Variants in ANGPTL5 observed in about 807,000 individuals in gnomAD.
The protein encoded by ANGPTL5 is angiopoietin-related protein 5.
Under a neutral mutation model 39.4 loss-of-function variants are expected in ANGPTL5, and 34 were observed. That is an observed-to-expected ratio of 0.86 (90% CI 0.66 to 1.15). The LOEUF (loss-of-function observed/expected upper bound fraction) is 1.15, where lower values mean the gene tolerates loss of function less well. Among genes scored for constraint, ANGPTL5 ranks in the 50% most tolerant of loss-of-function variants. The probability of loss-of-function intolerance (pLI) is 0.00; values close to 1 mark genes in which losing one functional copy is unlikely to be tolerated. For missense variants in ANGPTL5, 467 were observed against 457.5 expected, an observed-to-expected ratio of 1.02 and a Z score of -0.19; for synonymous variants, 146 against 152.1, an observed-to-expected ratio of 0.96 and a Z score of 0.29.
chr11:101,894,479 G>A (rs191155873), intron 8 of ANGPTL5, among the ~76,000 whole-genome samples: 17 of 152,300 alleles, frequency 1.1e-4, no homozygotes, highest in Non-Finnish European at 2.2e-4. Context: ...ATCTGGGAAC[G>A]TTGGGCAAGT....
chr11:101,901,945 A>ATG (rs1335503266), intron 6 of ANGPTL5, among the ~76,000 whole-genome samples: 1 of 151,786 alleles, frequency 6.6e-6, no homozygotes, highest in East Asian at 1.9e-4. Context: ...ATATAACTGT[A>ATG]TGTGTGTGTG....
chr11:101,899,054 T>G (rs1939847701), intron 7 of ANGPTL5, among the ~76,000 whole-genome samples: 1 of 152,248 alleles, frequency 6.6e-6, no homozygotes, highest in East Asian at 1.9e-4. Flanking sequence ...TCCAGTATTT[T>G]ATTGAGGATT....
chr11:101,905,970 C>G, intron 3 of ANGPTL5, 123 bp from the exon 4 acceptor site: 1 of 649,296 alleles, frequency 1.5e-6, no homozygotes, highest in South Asian at 1.8e-5. Flanking sequence ...CTCAATTTAT[C>G]TTAATACTCA....
chr11:101,908,490 A>G (rs2137064161), intron 1 of ANGPTL5, among the ~76,000 whole-genome samples: 1 of 152,282 alleles, frequency 6.6e-6, no homozygotes, highest in African/African-American at 2.4e-5. Context: ...AAAATGCCAA[A>G]TCTCAACGCT....
intron 8 of ANGPTL5, among the ~76,000 whole-genome samples, chr11:101,892,166 C>T (rs1476349381): frequency 6.6e-6 from 1 of 152,036 alleles, no homozygotes; most frequent in Non-Finnish European, 1.5e-5. Flanking sequence ...GATTTATGGA[C>T]CAATTGGATA....
chr11:101,905,956 C>G (rs1939991638), intron 3 of ANGPTL5, 109 bp from the exon 4 acceptor site: 2 of 677,812 alleles, frequency 3.0e-6, no homozygotes, highest in South Asian at 1.7e-5. Flanking sequence ...TAACTCAATA[C>G]TATCTCAATT....
At chr11:101,905,703 C>T (rs762231248) in intron 4 of ANGPTL5, 41 bp downstream of exon 4, 59 of 1,331,694 alleles carry the variant, frequency 4.4e-5, no homozygotes, top group East Asian at 6.9e-5. Context: ...TATACATCAA[C>T]GTGTACATGC....
Position 101,902,660 on chromosome 11 carries a change from T to C in ANGPTL5, c.501A>G (p.Leu167=), listed in dbSNP as rs796492796. Residue 167 remains leucine, a synonymous_variant, in exon 6 of 9, where the codon TTA becomes TTG. Coordinates refer to ENST00000334289, the MANE Select transcript of ANGPTL5 (RefSeq NM_178127.5). ...TAGATCCTTCTGGGTGAATTATGTA[T>C]AAACCACTCGGTGTTTTGGTGACAG... The part of the protein sequence containing the change: ...IGSVTKTPSG[L]YIIHPEGSSY... 6.2e-7 allele frequency: 1 copy of C among 1,612,106 alleles called. No homozygotes were observed. Among genetic ancestry groups the C allele is most frequent in the African/African-American group, 1.3e-5 (1 of 75,020 alleles).
chr11:101,898,339 G>A (rs1214116964), intron 7 of ANGPTL5, among the ~76,000 whole-genome samples: 1 of 152,108 alleles, frequency 6.6e-6, no homozygotes, highest in Non-Finnish European at 1.5e-5. Flanking sequence ...CTTGAGCAGT[G>A]GTTTGTAGTT....
chr11:101,893,098 C>G (rs1433331035), intron 8 of ANGPTL5, among the ~76,000 whole-genome samples: 1 of 152,202 alleles, frequency 6.6e-6, no homozygotes, highest in Non-Finnish European at 1.5e-5. Flanking sequence ...CCAGAAGGAT[C>G]ATATAGCACA....
At chr11:101,893,570 A>G (rs937421961) in intron 8 of ANGPTL5, among the ~76,000 whole-genome samples, 4 of 152,230 alleles carry the variant, frequency 2.6e-5, no homozygotes, top group African/African-American at 9.6e-5. Flanking sequence ...TTTGTAACGA[A>G]AAAACTTTTG....
rs567590832 is a variant in ANGPTL5 at position 101,891,201 on chromosome 11, C to A, written c.*78G>T. ...TAAATTTTGCCTAATATGTTTGAAA[C>A]ACTAAGTGAAAAGATAAACTTTTAA... On this transcript the variant is annotated 3_prime_UTR_variant, in exon 9 of 9. Transcript: ENST00000334289. 93 of 1,360,776 alleles carry A rather than the reference C, an allele frequency of 6.8e-5. 1 individual carries two copies. The South Asian group carries it at 1.3e-3, about 18-fold the overall frequency. The allele number at this position is 1,360,776 out of a possible 1,614,324, so 84.3% of individuals were successfully genotyped here.
chr11:101,914,274 G>A lies in ANGPTL5; in HGVS notation c.-93+1745C>T, dbSNP rs569690248. On this transcript the variant is annotated intron_variant, in intron 1 of 8. Transcript: ENST00000334289. Reference sequence around the variant, plus strand: ...GAATTTATATATGCATTTACATTAGGCTCCAACAATAAGATTCAGCCTTTT... The same window carrying A: ...GAATTTATATATGCATTTACATTAGACTCCAACAATAAGATTCAGCCTTTT... Among the ~76,000 whole-genome samples, 4 of 152,234 alleles carry A rather than the reference G, an allele frequency of 2.6e-5. No homozygotes were observed. In the East Asian group the frequency reaches 7.7e-4, roughly 29 times the overall value.
At chr11:101,913,593 G>A (rs373017457) in intron 1 of ANGPTL5, among the ~76,000 whole-genome samples, 6 of 152,062 alleles carry the variant, frequency 3.9e-5, no homozygotes, top group Non-Finnish European at 7.4e-5. Flanking sequence ...AGGATTTATA[G>A]GCAATTGAGA....
intron 2 of ANGPTL5, 45 bp downstream of exon 2, chr11:101,907,769 C>T: frequency 1.6e-6 from 2 of 1,266,662 alleles, no homozygotes; most frequent in South Asian, 1.2e-5. Flanking sequence ...ATCTTGAAAG[C>T]TAATCATGCT....
intron 7 of ANGPTL5, among the ~76,000 whole-genome samples, chr11:101,897,374 T>C (rs1047215469): frequency 4.6e-5 from 7 of 152,246 alleles, no homozygotes; most frequent in Admixed American, 2.0e-4. Flanking sequence ...ATCCCATTTG[T>C]CAATTTTGGC....
At chr11:101,900,773 A>G (rs1591254721) in intron 6 of ANGPTL5, among the ~76,000 whole-genome samples, 1 of 152,280 alleles carries the variant, frequency 6.6e-6, no homozygotes, top group Middle Eastern at 3.4e-3. Flanking sequence ...AATACTGTTT[A>G]TTATCAAACA....
chr11:101,894,757 A>C (rs746965620), intron 8 of ANGPTL5, 122 bp downstream of exon 8: 11 of 980,806 alleles, frequency 1.1e-5, no homozygotes, highest in Non-Finnish European at 1.7e-5. Flanking sequence ...TCTTATTCCT[A>C]ATCTATCCTG....
At chr11:101,902,991 A>G (rs188170388) in intron 5 of ANGPTL5, among the ~76,000 whole-genome samples, 10 of 152,280 alleles carry the variant, frequency 6.6e-5, no homozygotes, top group African/African-American at 2.4e-4. Context: ...ATCAACACTT[A>G]TTAAACATAT....
Sources: gnomAD v4.1 joint callset for allele counts (sites outside exome capture counted in the v4.1 genomes callset) on GRCh38, gnomAD v4.1.1 for gene constraint, MANE v1.5 for transcripts, NCBI Gene and HGNC (gene_info 2026-07-23, HGNC 2026-07-21) for gene names.